Variants in RALGAPB observed in about 807,000 individuals in gnomAD.
RALGAPB encodes Ral GTPase activating protein non-catalytic subunit beta.
A neutral mutation model predicts 161.1 loss-of-function variants in RALGAPB; 25 were observed. That is an observed-to-expected ratio of 0.16 (90% CI 0.11 to 0.22). RALGAPB has a LOEUF of 0.22. Among genes scored for constraint, RALGAPB ranks in the 10% least tolerant of loss-of-function variants. RALGAPB has a pLI of 1.00. For missense variants in RALGAPB, 1,391 were observed against 1,815.2 expected, an observed-to-expected ratio of 0.77 and a Z score of 4.25; for synonymous variants, 629 against 626.1, an observed-to-expected ratio of 1.00 and a Z score of -0.07.
chr20:38,536,574 T>A (rs1282065875), intron 16 of RALGAPB, among the ~76,000 whole-genome samples: 1 of 152,216 alleles, frequency 6.6e-6, no homozygotes, highest in Non-Finnish European at 1.5e-5. Context: ...ACTGAATCAT[T>A]TTACATTCCC....
chr20:38,501,000 A>G (rs2085576623), intron 5 of RALGAPB, among the ~76,000 whole-genome samples: 1 of 152,182 alleles, frequency 6.6e-6, no homozygotes, highest in East Asian at 1.9e-4. Flanking sequence ...CATGAGGTTT[A>G]AGGAAAGAAG....
chr20:38,509,813 C>G (rs906365307), intron 6 of RALGAPB, among the ~76,000 whole-genome samples: 5 of 152,100 alleles, frequency 3.3e-5, no homozygotes, highest in African/African-American at 9.7e-5. Context: ...TGCATATCTT[C>G]TCTTTCTGGT....
At chr20:38,496,341 C>T (rs1315491419) in intron 3 of RALGAPB, among the ~76,000 whole-genome samples, 2 of 152,174 alleles carry the variant, frequency 1.3e-5, no homozygotes, top group Admixed American at 6.5e-5. Flanking sequence ...GAACTCACTT[C>T]ATTTTCTGGA....
chr20:38,492,252 C>G (rs2085301019), intron 2 of RALGAPB, among the ~76,000 whole-genome samples: 1 of 152,152 alleles, frequency 6.6e-6, no homozygotes, highest in African/African-American at 2.4e-5. Flanking sequence ...ATTACGACTG[C>G]CGGCAGCCTA....
At chr20:38,488,060 C>CA in intron 1 of RALGAPB, among the ~76,000 whole-genome samples, 1 of 150,338 alleles carries the variant, frequency 6.7e-6, no homozygotes, top group African/African-American at 2.5e-5. Flanking sequence ...AACTTCGTCT[C>CA]AAAAAAGAAA....
chr20:38,510,542 AC>A (rs1488864038), intron 6 of RALGAPB, among the ~76,000 whole-genome samples: 3 of 152,198 alleles, frequency 2.0e-5, no homozygotes, highest in Non-Finnish European at 2.9e-5. Flanking sequence ...AAAAACCTCA[AC>A]GAAACCTTCT....
Position 38,567,220 on chromosome 20 carries a change from T to C in RALGAPB, c.3942T>C (p.Asn1314=). The change falls in exon 26 of 30, where the codon AAT becomes AAC. Residue 1314 remains asparagine, a synonymous_variant. Transcript: ENST00000262879. ...TCCCCAATCATACAGACAATCTTAA[T>C]TCCTCACAGAGGGTAAGTTACTTTG... ...ELFPNHTDNL[N]SSQRLSPSSR... 1 of 1,613,266 alleles carries C rather than the reference T, an allele frequency of 6.2e-7. No individual in the cohort carries two copies. The highest frequency in any genetic ancestry group is 1.1e-5 in the South Asian group (1 of 90,954).
chr20:38,478,841 C>G (rs1475885568), intron 1 of RALGAPB, among the ~76,000 whole-genome samples: 1 of 152,118 alleles, frequency 6.6e-6, no homozygotes, highest in East Asian at 1.9e-4. Flanking sequence ...GTCTCGAACT[C>G]CCGACCTCAG....
intron 26 of RALGAPB, among the ~76,000 whole-genome samples, chr20:38,567,513 T>C (rs1376020538): frequency 6.6e-6 from 1 of 152,214 alleles, no homozygotes; most frequent in Non-Finnish European, 1.5e-5. Context: ...TTTAATTTTG[T>C]CCCTGAAATA....
At chr20:38,574,126 A>G in intron 28 of RALGAPB, 24 bp from the exon 29 acceptor site, 1 of 1,591,194 alleles carries the variant, frequency 6.3e-7, no homozygotes, top group South Asian at 1.1e-5. Context: ...TGGGTGTCTG[A>G]GATAACAATT....
intron 1 of RALGAPB, 32 bp from the exon 2 acceptor site, chr20:38,488,371 A>G (rs2085179542): frequency 2.2e-6 from 3 of 1,354,856 alleles, no homozygotes; most frequent in Non-Finnish European, 2.1e-6. Context: ...CAATAGTATA[A>G]TTTGACATGC....
chr20:38,486,183 G>C (rs1201889973), intron 1 of RALGAPB, among the ~76,000 whole-genome samples: 1 of 151,426 alleles, frequency 6.6e-6, no homozygotes, highest in Non-Finnish European at 1.5e-5. Flanking sequence ...ATGTTGTCCA[G>C]GCTGGTCTCG....
At chr20:38,570,489 C>T (rs2145533342) in intron 27 of RALGAPB, among the ~76,000 whole-genome samples, 1 of 152,286 alleles carries the variant, frequency 6.6e-6, no homozygotes, top group East Asian at 1.9e-4. Flanking sequence ...CCCATCCAGC[C>T]CAGAGTTTGT....
chr20:38,524,995 C>T lies in RALGAPB; in HGVS notation c.1787+50C>T, dbSNP rs1338945538. ...TATCAACTGTCTGATTTGGCCTGGT[C>T]TGTTGGTGCTTCCTCCCCAGTTTCC... On this transcript the variant is annotated intron_variant, in intron 11 of 29. Transcript: ENST00000262879. 2 of 1,516,646 alleles carry T rather than the reference C, an allele frequency of 1.3e-6. 1 individual carries two copies. The highest frequency in any genetic ancestry group is 1.8e-6 in the Non-Finnish European group (2 of 1,095,894). The allele number at this position is 1,516,646 out of a possible 1,614,324, so 93.9% of individuals were successfully genotyped here.
At chr20:38,518,462 T>G (rs1013763257) in intron 9 of RALGAPB, among the ~76,000 whole-genome samples, 3 of 152,232 alleles carry the variant, frequency 2.0e-5, no homozygotes, top group African/African-American at 7.2e-5. Flanking sequence ...AATTTTAGTC[T>G]AGAGAACTTT....
At chr20:38,528,513 GGC>G (rs2086543677) in intron 13 of RALGAPB, among the ~76,000 whole-genome samples, 1 of 151,832 alleles carries the variant, frequency 6.6e-6, no homozygotes, top group Non-Finnish European at 1.5e-5. Context: ...TGGGACCACA[GGC>G]GTGTGCCACC....
intron 5 of RALGAPB, among the ~76,000 whole-genome samples, chr20:38,503,874 G>C (rs1245517906): frequency 6.6e-6 from 1 of 152,128 alleles, no homozygotes; most frequent in African/African-American, 2.4e-5. Flanking sequence ...TTCCTGATCA[G>C]TCTGCAGCCA....
At chr20:38,521,784 G>A (rs2086298245) in intron 10 of RALGAPB, 86 bp downstream of exon 10, 1 of 1,388,382 alleles carries the variant, frequency 7.2e-7, no homozygotes. Context: ...GATGAGTGAT[G>A]TTGGTCTGAA....
chr20:38,480,697 A>T (rs2084940944), intron 1 of RALGAPB, among the ~76,000 whole-genome samples: 1 of 132,154 alleles, frequency 7.6e-6, no homozygotes, highest in Middle Eastern at 5.3e-3. Flanking sequence ...TCTTCTATGT[A>T]TTTTGTTCTC....
Sources: gnomAD v4.1 joint callset for allele counts (sites outside exome capture counted in the v4.1 genomes callset) on GRCh38, gnomAD v4.1.1 for gene constraint, MANE v1.5 for transcripts, NCBI Gene and HGNC (gene_info 2026-07-23, HGNC 2026-07-21) for gene names.